The following MORC1 variants were observed in gnomAD, a reference collection of about 807,000 sequenced individuals.
MORC1 encodes MORC family CW-type zinc finger 1, also known as MORC family CW-type zinc finger protein 1.
MORC1 carries 59 observed loss-of-function variants against 134.9 expected under a neutral mutation model. That is an observed-to-expected ratio of 0.44 (90% CI 0.35 to 0.54). The LOEUF is 0.54. Ranked by LOEUF, MORC1 falls within the 20% of genes least tolerant of loss-of-function variation. MORC1 has a pLI of 0.00. For synonymous variants in MORC1, 395 were observed against 391.7 expected, an observed-to-expected ratio of 1.01 and a Z score of -0.10; for missense variants, 947 against 1,134.5, an observed-to-expected ratio of 0.83 and a Z score of 2.37.
At chr3:109,006,989 A>T in intron 18 of MORC1, 40 bp downstream of exon 18, 1 of 1,531,596 alleles carries the variant, frequency 6.5e-7, no homozygotes, top group Non-Finnish European at 8.9e-7. Context: ...ACATGGTTAA[A>T]ACATGACACA....
chr3:109,110,622 C>T, intron 3 of MORC1, 127 bp downstream of exon 3: 3 of 780,520 alleles, frequency 3.8e-6, no homozygotes, highest in Non-Finnish European at 6.1e-6. Flanking sequence ...GTCACTGTAC[C>T]CACAAAGCAC....
chr3:109,081,804 T>C (rs1950525686), intron 8 of MORC1, among the ~76,000 whole-genome samples: 1 of 152,086 alleles, frequency 6.6e-6, no homozygotes, highest in Non-Finnish European at 1.5e-5. Flanking sequence ...CTGCCCATCT[T>C]CTAATATGCA....
At chr3:108,998,222 T>C (rs975886148) in intron 21 of MORC1, among the ~76,000 whole-genome samples, 10 of 152,228 alleles carry the variant, frequency 6.6e-5, no homozygotes, top group Non-Finnish European at 2.9e-5. Flanking sequence ...AGTCAATATG[T>C]GCCTTCCAGT....
At chr3:109,074,500 T>C (rs1950380707) in intron 8 of MORC1, among the ~76,000 whole-genome samples, 1 of 152,180 alleles carries the variant, frequency 6.6e-6, no homozygotes, top group South Asian at 2.1e-4. Context: ...CCTTCACAGT[T>C]TGGAACTTGA....
chr3:109,113,435 C>G (rs1375789399), intron 2 of MORC1, among the ~76,000 whole-genome samples: 2 of 152,160 alleles, frequency 1.3e-5, no homozygotes, highest in Non-Finnish European at 2.9e-5. Context: ...TGTGGTCACA[C>G]TCTCAGAAGG....
intron 4 of MORC1, 149 bp from the exon 5 acceptor site, chr3:109,100,656 C>A: frequency 1.5e-6 from 1 of 645,846 alleles, no homozygotes; most frequent in South Asian, 1.8e-5. Flanking sequence ...CATCAGAATC[C>A]ACAGTCTCTG....
At chr3:108,987,462 C>T (rs1947926001) in intron 21 of MORC1, among the ~76,000 whole-genome samples, 1 of 151,990 alleles carries the variant, frequency 6.6e-6, no homozygotes, top group South Asian at 2.1e-4. Context: ...AGGGAGTTGA[C>T]CTGGAATACT....
chr3:109,000,608 T>C lies in MORC1; in HGVS notation c.2136A>G (p.Glu712=), dbSNP rs146194791. The stretch of plus-strand genomic sequence containing the variant: ...TCTCATCTTCAGTCAATACCTTACA[T>C]TCCTCTACAAAGTTCAGACTCTGCT... ...KRKQSLNFVE[E]CKVLTEDENT... The change falls in exon 21 of 28, where the codon GAA becomes GAG. Residue 712 remains glutamate, a synonymous_variant. Coordinates refer to ENST00000232603, the MANE Select transcript of MORC1 (RefSeq NM_014429.4). 246 of 1,611,628 alleles carry C rather than the reference T, an allele frequency of 1.5e-4. No individual in the cohort carries two copies. Among genetic ancestry groups the C allele is most frequent in the Non-Finnish European group, 1.9e-4 (220 of 1,179,116 alleles).
intron 18 of MORC1, 35 bp downstream of exon 18, chr3:109,006,994 G>T: frequency 6.6e-7 from 1 of 1,523,510 alleles, no homozygotes; most frequent in Non-Finnish European, 8.9e-7. Context: ...GTTAAAACAT[G>T]ACACAAATTG....
At chr3:109,024,399 A>G (rs1040518452) in intron 17 of MORC1, among the ~76,000 whole-genome samples, 15 of 152,354 alleles carry the variant, frequency 9.8e-5, no homozygotes, top group African/African-American at 3.6e-4. Flanking sequence ...TGTGGAAACG[A>G]TACCTTTAGA....
intron 26 of MORC1, 123 bp downstream of exon 26, chr3:108,969,546 G>T: frequency 1.1e-6 from 1 of 923,498 alleles, no homozygotes; most frequent in Non-Finnish European, 1.7e-6. Context: ...ATTAATCTAA[G>T]TCTCGATAAG....
chr3:109,001,057 T>C (rs1456860943), intron 20 of MORC1, among the ~76,000 whole-genome samples: 2 of 152,212 alleles, frequency 1.3e-5, no homozygotes, highest in Admixed American at 6.5e-5. Context: ...TCCTGATTTA[T>C]CCAGGAGAAA....
rs1194216664 is a variant in MORC1 at position 108,963,501 on chromosome 3, C to T, written c.2712G>A (p.Gly904=). 27 of 1,611,620 alleles carry T rather than the reference C, an allele frequency of 1.7e-5. No homozygotes were observed. The highest frequency in any genetic ancestry group is 2.2e-5 in the Non-Finnish European group (26 of 1,178,848). ...TRGIHNEISL[G]QCENKRKISE... Reference sequence around the variant, plus strand: ...AGATTTTTCTTTTATTTTCACATTGCCCCAGAGAGATTTCATTATGTATTC... The same window carrying T: ...AGATTTTTCTTTTATTTTCACATTGTCCCAGAGAGATTTCATTATGTATTC... The change falls in exon 27 of 28, where the codon GGG becomes GGA. Residue 904 remains glycine, a synonymous_variant. Coordinates refer to ENST00000232603, the MANE Select transcript of MORC1 (RefSeq NM_014429.4).
intron 20 of MORC1, 99 bp downstream of exon 20, chr3:109,004,718 A>T: frequency 8.5e-7 from 1 of 1,178,060 alleles, no homozygotes; most frequent in South Asian, 1.4e-5. Flanking sequence ...TTAGTTAAGC[A>T]TTTTTCCTAT....
chr3:109,093,078 C>T (rs941585124), intron 8 of MORC1, among the ~76,000 whole-genome samples: 10 of 151,984 alleles, frequency 6.6e-5, no homozygotes, highest in Non-Finnish European at 8.8e-5. Flanking sequence ...AATTAGGAGT[C>T]AAGGTATTAG....
At chr3:109,058,486 C>T (rs954048641) in intron 12 of MORC1, among the ~76,000 whole-genome samples, 3 of 151,996 alleles carry the variant, frequency 2.0e-5, no homozygotes, top group Non-Finnish European at 2.9e-5. Flanking sequence ...CTTATGACCA[C>T]GTGCTATTAT....
At chr3:109,116,388 AT>A (rs1369509516) in intron 1 of MORC1, among the ~76,000 whole-genome samples, 3 of 152,208 alleles carry the variant, frequency 2.0e-5, no homozygotes, top group African/African-American at 7.2e-5. Context: ...TTTGAAACAT[AT>A]TTAGAGAAAG....
At chr3:109,005,034 G>A (rs1447471775) in intron 19 of MORC1, 36 bp downstream of exon 19, 4 of 1,588,334 alleles carry the variant, frequency 2.5e-6, no homozygotes, top group African/African-American at 1.4e-5. Flanking sequence ...TCCAGAATGA[G>A]TGAATTGTTT....
Position 109,093,331 on chromosome 3 carries a change from C to A in MORC1, c.689+105G>T, listed in dbSNP as rs922363341. ...TAGTAACTAGGGTAAGATGAATTGTCCCAGTGCTAAAACCCAGTGACCTCA... is the reference window on the plus strand; with the variant it reads ...TAGTAACTAGGGTAAGATGAATTGTACCAGTGCTAAAACCCAGTGACCTCA... On this transcript the variant is annotated intron_variant, in intron 8 of 27. Transcript: ENST00000232603. The A allele has an allele frequency of 7.5e-5, 58 of 770,156 alleles. No homozygotes were observed. The African/African-American group carries it at 9.5e-4, about 13-fold the overall frequency. 47.7% of individuals were successfully genotyped at this position (770,156 alleles called of 1,614,324 possible). A position where few individuals can be genotyped will look rare whatever the true frequency, so the allele number is the denominator to read the frequency against.
Sources: gnomAD v4.1 joint callset for allele counts (sites outside exome capture counted in the v4.1 genomes callset) on GRCh38, gnomAD v4.1.1 for gene constraint, MANE v1.5 for transcripts, NCBI Gene and HGNC (gene_info 2026-07-23, HGNC 2026-07-21) for gene names.